The following ARHGAP24 variants were observed in gnomAD, a reference collection of about 807,000 sequenced individuals.
ARHGAP24 encodes the protein Rho GTPase activating protein 24, also known as rho GTPase-activating protein 24.
A neutral mutation model predicts 76.4 loss-of-function variants in ARHGAP24; 50 were observed. The ratio of observed to expected loss-of-function variants is 0.65; its 90% confidence interval spans 0.52 to 0.83. The LOEUF is 0.83. Among genes scored for constraint, ARHGAP24 ranks in the 40% least tolerant of loss-of-function variants. The pLI, the probability that ARHGAP24 is intolerant of heterozygous loss-of-function variation, is 0.00. For missense variants in ARHGAP24, 930 were observed against 914.2 expected (o/e 1.02, Z -0.22); for synonymous variants, 345 against 323.3 (o/e 1.07, Z -0.72).
chr4:85,547,521 G>A (rs1370953363), intron 1 of ARHGAP24, among the ~76,000 whole-genome samples: 5 of 151,746 alleles, frequency 3.3e-5, no homozygotes, highest in Non-Finnish European at 7.4e-5. Flanking sequence ...CTGTAGTCTC[G>A]ACCTCCCAGG....
intron 3 of ARHGAP24, among the ~76,000 whole-genome samples, chr4:85,737,817 A>G (rs932850416): frequency 8.5e-5 from 13 of 152,350 alleles, no homozygotes; most frequent in African/African-American, 2.4e-4. Flanking sequence ...AGTGAAAGGA[A>G]GGAAGCTGGC....
intron 5 of ARHGAP24, among the ~76,000 whole-genome samples, chr4:85,949,812 G>A (rs761456660): frequency 3.9e-5 from 6 of 152,194 alleles, no homozygotes; most frequent in Admixed American, 1.3e-4. Context: ...CAACAGTCAC[G>A]TCTGTGAACA....
intron 1 of ARHGAP24, among the ~76,000 whole-genome samples, chr4:85,506,006 G>T (rs1724030458): frequency 6.6e-6 from 1 of 152,120 alleles, no homozygotes; most frequent in Non-Finnish European, 1.5e-5. Context: ...GTTGGACTTT[G>T]CTGGAGGTCC....
At chr4:85,945,932 G>T (rs547627287) in intron 5 of ARHGAP24, among the ~76,000 whole-genome samples, 93 of 152,152 alleles carry the variant, frequency 6.1e-4, no homozygotes, top group African/African-American at 1.7e-3. Context: ...ATCTGAGACT[G>T]GGTAATTTAT....
intron 2 of ARHGAP24, among the ~76,000 whole-genome samples, chr4:85,632,052 A>G (rs987189715): frequency 3.3e-5 from 5 of 151,986 alleles, no homozygotes; most frequent in Non-Finnish European, 7.4e-5. Context: ...ATATTTTAAT[A>G]TCTTGTTTGT....
chr4:85,915,560 T>A (rs1162068381), intron 3 of ARHGAP24, among the ~76,000 whole-genome samples: 1 of 152,096 alleles, frequency 6.6e-6, no homozygotes, highest in East Asian at 1.9e-4. Flanking sequence ...CTTAATGCTA[T>A]CCCTCCCCTA....
intron 3 of ARHGAP24, among the ~76,000 whole-genome samples, chr4:85,794,136 T>C (rs371892446): frequency 5.3e-5 from 8 of 152,354 alleles, no homozygotes; most frequent in East Asian, 3.9e-4. Flanking sequence ...TTCTTTGTAC[T>C]ATATCTTTAT....
At chr4:85,828,375 C>T (rs985534358) in intron 3 of ARHGAP24, among the ~76,000 whole-genome samples, 7 of 151,940 alleles carry the variant, frequency 4.6e-5, no homozygotes, top group Admixed American at 4.6e-4. Context: ...TTTGCTTTAC[C>T]CACATTTTAG....
At chr4:85,526,710 C>CAAAT (rs1725015999) in intron 1 of ARHGAP24, among the ~76,000 whole-genome samples, 3 of 151,986 alleles carry the variant, frequency 2.0e-5, no homozygotes, top group Non-Finnish European at 4.4e-5. Flanking sequence ...CTTTAGTTAG[C>CAAAT]CACTGAAATT....
At chr4:85,534,269 A>G (rs572490886) in intron 1 of ARHGAP24, among the ~76,000 whole-genome samples, 1 of 146,830 alleles carries the variant, frequency 6.8e-6, no homozygotes, top group East Asian at 1.9e-4. Context: ...AATAAGGATT[A>G]TTGAGTGCCC....
Position 86,002,596 on chromosome 4 carries a change from T to C in ARHGAP24, c.*1874T>C, listed in dbSNP as rs879414120. ...TTCAAATGGTATACAATTTGCCAGC[T>C]GTTACTGAACCTTCTATGCATAACT... On this transcript the variant is annotated 3_prime_UTR_variant, in exon 10 of 10. Transcript: ENST00000395184. The C allele has an allele frequency of 5.7e-4, 87 of 152,142 alleles. No individual in the cohort carries two copies. The highest frequency in any genetic ancestry group is 2.0e-3 in the African/African-American group (82 of 41,442). The allele number at this position is 152,142 out of a possible 1,614,324, so 9.4% of individuals were successfully genotyped here. A position where few individuals can be genotyped will look rare whatever the true frequency, so the allele number is the denominator to read the frequency against.
At chr4:85,903,989 CTT>C (rs1734635459) in intron 3 of ARHGAP24, among the ~76,000 whole-genome samples, 1 of 152,112 alleles carries the variant, frequency 6.6e-6, no homozygotes, top group South Asian at 2.1e-4. Context: ...AAAAAAGAAA[CTT>C]TATCTTGTTT....
intron 1 of ARHGAP24, among the ~76,000 whole-genome samples, chr4:85,517,488 AATT>A (rs1724555262): frequency 6.6e-6 from 1 of 152,162 alleles, no homozygotes; most frequent in Non-Finnish European, 1.5e-5. Context: ...AAATTTCAAA[AATT>A]ATTAATAGCC....
At chr4:85,897,817 G>T (rs1415483705) in intron 3 of ARHGAP24, among the ~76,000 whole-genome samples, 1 of 151,868 alleles carries the variant, frequency 6.6e-6, no homozygotes, top group Non-Finnish European at 1.5e-5. Flanking sequence ...GGCAGTCATA[G>T]CTTAGCAGTA....
intron 3 of ARHGAP24, among the ~76,000 whole-genome samples, chr4:85,743,264 G>A (rs145336964): frequency 6.2e-4 from 94 of 151,688 alleles, no homozygotes; most frequent in African/African-American, 2.2e-3. Flanking sequence ...CTGGGACCTC[G>A]GAGGTGAAAC....
At position 86,000,781 on chromosome 4, in the gene ARHGAP24, G is replaced by T. The variant is rs1173998141; in HGVS notation, c.*59G>T. ...GCAAGGACTCCAGGGATTCTGGTGG[G>T]ATATGACTTAGAACCAGGTGGCTGG... On this transcript the variant is annotated 3_prime_UTR_variant, in exon 10 of 10. Transcript: ENST00000395184. 4.3e-6 allele frequency: 7 copies of T among 1,610,300 alleles called. No individual in the cohort carries two copies. Among genetic ancestry groups the T allele is most frequent in the Non-Finnish European group, 5.9e-6 (7 of 1,177,972 alleles).
chr4:85,916,249 T>A (rs978983402), intron 3 of ARHGAP24, among the ~76,000 whole-genome samples: 2 of 151,788 alleles, frequency 1.3e-5, no homozygotes, highest in African/African-American at 4.8e-5. Context: ...CCTTCACCAC[T>A]TTTTGGTGGG....
chr4:85,828,508 C>CGTGT (rs200977940), intron 3 of ARHGAP24, among the ~76,000 whole-genome samples: 7 of 146,808 alleles, frequency 4.8e-5, no homozygotes, highest in Admixed American at 1.4e-4. Flanking sequence ...TGTGTGTCTG[C>CGTGT]GTGTGTGTTT....
chr4:85,829,764 T>C (rs1729895630), intron 3 of ARHGAP24, among the ~76,000 whole-genome samples: 1 of 152,226 alleles, frequency 6.6e-6, no homozygotes, highest in African/African-American at 2.4e-5. Context: ...TATTCATCCC[T>C]CTGTGAGGAC....
Sources: gnomAD v4.1 joint callset for allele counts (sites outside exome capture counted in the v4.1 genomes callset) on GRCh38, gnomAD v4.1.1 for gene constraint, MANE v1.5 for transcripts, NCBI Gene and HGNC (gene_info 2026-07-23, HGNC 2026-07-21) for gene names.